ZNF569: variants seen among roughly 807,000 people sequenced by gnomAD.
ZNF569 encodes the protein DNA-binding protein.
In ZNF569, 38 loss-of-function variants were observed where a neutral mutation model predicts 56.3. The ratio of observed to expected loss-of-function variants is 0.68; its 90% confidence interval spans 0.52 to 0.88. The LOEUF (loss-of-function observed/expected upper bound fraction) is 0.88, where lower values mean the gene tolerates loss of function less well. Among genes scored for constraint, ZNF569 ranks in the 40% least tolerant of loss-of-function variants. ZNF569 has a pLI of 0.00. For missense variants in ZNF569, 666 were observed against 809.2 expected, an observed-to-expected ratio of 0.82 and a Z score of 2.15; for synonymous variants, 241 against 262.9, an observed-to-expected ratio of 0.92 and a Z score of 0.81.
Position 37,413,405 on chromosome 19 carries a change from G to A in ZNF569, c.1253C>T (p.Ala418Val). 6.2e-7 allele frequency: 1 copy of A among 1,613,206 alleles called. No homozygotes were observed. The highest frequency in any genetic ancestry group is 8.5e-7 in the Non-Finnish European group (1 of 1,179,722). The stretch of plus-strand genomic sequence containing the variant: ...AATGAAGTTTTTCTTGTGGCTGAAG[G>A]CTTTTCTGCATTCCTTACATTCATA... ...KPYECKECRKAFSHKKNFITH... is the reference protein window; with the variant it reads ...KPYECKECRKVFSHKKNFITH... The change falls in exon 6 of 6, where the codon GCC becomes GTC. Residue 418 changes from alanine (A) to valine (V), a missense_variant. Ala to Val is a moderately conservative substitution (Grantham distance 64, BLOSUM62 0). Transcript: ENST00000316950.
Position 37,415,952 on chromosome 19 carries a change from C to T in ZNF569, c.239-1533G>A, listed in dbSNP as rs57264082. ...TGCCCCTCTTTTCTTAATTAAAAGG[C>T]GTGAGTGCAGTGGCTCACGCCTGTA... On this transcript the variant is annotated intron_variant, in intron 5 of 5. Coordinates refer to ENST00000316950, the MANE Select transcript of ZNF569 (RefSeq NM_152484.3). Among the ~76,000 whole-genome samples, 405 of 150,604 alleles carry T rather than the reference C, an allele frequency of 2.7e-3. 2 individuals are homozygous for T. The highest frequency in any genetic ancestry group is 9.4e-3 in the African/African-American group (387 of 41,096).
Position 37,426,374 on chromosome 19 carries a change from G to A in ZNF569, c.20C>T (p.Thr7Ile), listed in dbSNP as rs1210073407. 3.1e-6 allele frequency: 5 copies of A among 1,604,392 alleles called. No individual in the cohort carries two copies. Among genetic ancestry groups the A allele is most frequent in the Non-Finnish European group, 4.2e-6 (5 of 1,176,550 alleles). Residue 7 changes from threonine to isoleucine, a missense_variant, in exon 4 of 6, where the codon ACA (threonine) becomes ATA (isoleucine). Transcript: ENST00000316950. Reference protein sequence around the residue: MTESQGTVTFKDVAIDF... With the variant: MTESQGIVTFKDVAIDF... Reference sequence around the variant, plus strand: ...GATAGCCACATCTTTGAATGTTACTGTTCCCTGTAACAACACACTCCCACT... The same window carrying A: ...GATAGCCACATCTTTGAATGTTACTATTCCCTGTAACAACACACTCCCACT...
chr19:37,468,060 A>C, upstream of ZNF569: 1 of 760,050 alleles, frequency 1.3e-6, no homozygotes, highest in Non-Finnish European at 2.1e-6. Context: ...TAACTTCTCT[A>C]TGCCTTTCGT....
intron 2 of ZNF569, among the ~76,000 whole-genome samples, chr19:37,456,776 C>T (rs895164246): frequency 2.6e-5 from 4 of 151,956 alleles, no homozygotes; most frequent in Non-Finnish European, 5.9e-5. Flanking sequence ...AGATTGGCCT[C>T]GCCAACATAG....
At chr19:37,457,313 A>C (rs144719785) in intron 2 of ZNF569, among the ~76,000 whole-genome samples, 1 of 152,304 alleles carries the variant, frequency 6.6e-6, no homozygotes, top group East Asian at 1.9e-4. Flanking sequence ...CGAGAATTCT[A>C]TACTTATAAA....
intron 2 of ZNF569, among the ~76,000 whole-genome samples, chr19:37,453,016 T>C (rs62110431): frequency 0.11 from 17,011 of 152,172 alleles, 1,224 homozygotes; most frequent in Non-Finnish European, 0.16. Flanking sequence ...TTATTATCAC[T>C]CCCCTGACTG....
At chr19:37,468,085 GTTTGT>G (rs1284222336), upstream of ZNF569, 3,547 of 649,054 alleles carry the variant, frequency 5.5e-3, 85 homozygotes, top group African/African-American at 0.064. Flanking sequence ...TTTTTTTTTT[GTTTGT>G]TTTGTTTTTT....
At chr19:37,415,446 C>A (rs2040912192) in intron 5 of ZNF569, among the ~76,000 whole-genome samples, 1 of 152,038 alleles carries the variant, frequency 6.6e-6, no homozygotes, top group Admixed American at 6.6e-5. Context: ...ACAGCCCAAA[C>A]ACCAGCACTT....
chr19:37,430,650 T>A (rs1286985685), intron 3 of ZNF569, among the ~76,000 whole-genome samples: 1 of 149,014 alleles, frequency 6.7e-6, no homozygotes, highest in African/African-American at 2.5e-5. Flanking sequence ...CCGATCATAC[T>A]CCCCACAGGA....
At chr19:37,468,081 T>TTTTTG (rs1555845142), upstream of ZNF569, 35 of 698,374 alleles carry the variant, frequency 5.0e-5, no homozygotes, top group East Asian at 9.1e-4. Flanking sequence ...GTTTTTTTTT[T>TTTTTG]TTTGTTTGTT....
chr19:37,442,671 A>G (rs1195020399), intron 3 of ZNF569, among the ~76,000 whole-genome samples: 3 of 152,154 alleles, frequency 2.0e-5, no homozygotes, highest in Non-Finnish European at 4.4e-5. Flanking sequence ...CCAGGTAAGA[A>G]ATGAAGTGAC....
rs545043773 is a variant in ZNF569 at position 37,413,604 on chromosome 19, T to C, written c.1054A>G (p.Lys352Glu). 3.0e-5 allele frequency: 48 copies of C among 1,613,866 alleles called. No homozygotes were observed. In the Admixed American group the frequency reaches 3.3e-4, roughly 11 times the overall value. ...CCACATTTATCACATTTATAAGGTTTTTCTCCTGTATGACTTCTCATATGA... is the reference window on the plus strand; with the variant it reads ...CCACATTTATCACATTTATAAGGTTCTTCTCCTGTATGACTTCTCATATGA... ...ALHMRSHTGE[K>E]PYKCDKCGKA... The change falls in exon 6 of 6, where the codon AAA (lysine) becomes GAA (glutamate). Residue 352 changes from lysine (K) to glutamate (E), a missense_variant. Physicochemically the swap from Lys to Glu is moderately conservative, Grantham distance 56 (BLOSUM62 1). Transcript: ENST00000316950.
Position 37,426,367 on chromosome 19 carries a change from T to C in ZNF569, c.27A>G (p.Thr9=). 1.2e-6 allele frequency: 2 copies of C among 1,610,172 alleles called. No homozygotes were observed. The highest frequency in any genetic ancestry group is 1.7e-6 in the Non-Finnish European group (2 of 1,178,586). Residue 9 remains threonine, a synonymous_variant, in exon 4 of 6, where the codon ACA becomes ACG. Coordinates refer to ENST00000316950, the MANE Select transcript of ZNF569 (RefSeq NM_152484.3). ...TGAAGTCGATAGCCACATCTTTGAA[T>C]GTTACTGTTCCCTGTAACAACACAC... MTESQGTV[T]FKDVAIDFTQ... is the part of the protein sequence containing the mutation.
upstream of ZNF569, chr19:37,467,912 C>T (rs2041875860): frequency 6.5e-7 from 1 of 1,536,110 alleles, no homozygotes; most frequent in East Asian, 2.4e-5. Flanking sequence ...TTTGTTCTTT[C>T]TGGACTTCTC....
chr19:37,420,641 A>G (rs2041019668), intron 5 of ZNF569, among the ~76,000 whole-genome samples: 1 of 152,170 alleles, frequency 6.6e-6, no homozygotes, highest in South Asian at 2.1e-4. Flanking sequence ...CTAGTTGCAC[A>G]TCTACAATTA....
intron 3 of ZNF569, among the ~76,000 whole-genome samples, chr19:37,443,475 A>C (rs1462352527): frequency 6.6e-6 from 1 of 152,186 alleles, no homozygotes; most frequent in Non-Finnish European, 1.5e-5. Context: ...AGAAAACCAC[A>C]AGTATTCACA....
rs550817439 is a variant in ZNF569, at chr19:37,467,350, G to C, written c.-471C>G. ...GCTCCGCGCAGGGGAGCTCAGCCTA[G>C]GTTTTGCACGAGCGGCCTCCCGCGA... On this transcript the variant is annotated 5_prime_UTR_variant, in exon 1 of 6. Coordinates refer to ENST00000316950, the MANE Select transcript of ZNF569 (RefSeq NM_152484.3). 8.4e-5 allele frequency: 13 copies of C among 155,410 alleles called. No homozygotes were observed. The highest frequency in any genetic ancestry group is 1.7e-4 in the Non-Finnish European group (12 of 70,508). 9.6% of individuals were successfully genotyped at this position (155,410 alleles called of 1,614,324 possible).
chr19:37,422,801 A>G (rs536871753), intron 5 of ZNF569, among the ~76,000 whole-genome samples: 1 of 152,328 alleles, frequency 6.6e-6, no homozygotes, highest in African/African-American at 2.4e-5. Context: ...CACCATTAGA[A>G]TTACGGTACA....
intron 2 of ZNF569, among the ~76,000 whole-genome samples, chr19:37,460,765 CAAAAA>C (rs113644505): frequency 8.3e-6 from 1 of 120,880 alleles, no homozygotes; most frequent in Non-Finnish European, 1.8e-5. Context: ...TACCCTGTCT[CAAAAA>C]AAAAAAAAAG....
Sources: gnomAD v4.1 joint callset for allele counts (sites outside exome capture counted in the v4.1 genomes callset) on GRCh38, gnomAD v4.1.1 for gene constraint, MANE v1.5 for transcripts, NCBI Gene and HGNC (gene_info 2026-07-23, HGNC 2026-07-21) for gene names.